The following ZBTB46 variants were observed in gnomAD, a reference collection of about 807,000 sequenced individuals.
The protein encoded by ZBTB46 is zinc finger and BTB domain containing 46.
In ZBTB46, 8 loss-of-function variants were observed where a neutral mutation model predicts 44.1. The observed-to-expected ratio is 0.18, with a 90% CI of 0.11 to 0.33. ZBTB46 has a LOEUF of 0.33. Ranked by LOEUF, ZBTB46 falls within the 10% of genes least tolerant of loss-of-function variation. The pLI is 1.00. For missense variants in ZBTB46, 651 were observed against 847.7 expected (o/e 0.77, Z 2.88); for synonymous variants, 409 against 382.3 (o/e 1.07, Z -0.81).
Position 63,815,197 on chromosome 20 carries a change from G to T in ZBTB46, c.-34+15900C>A, listed in dbSNP as rs188192109. On this transcript the variant is annotated intron_variant, in intron 1 of 4. Transcript: ENST00000245663. ...TGCAGTGGGCCCAGGTGCAGTGGGC[G>T]CAGGTGCAGTGGGCACGAGTGCAAG... 30 of 223,946 alleles carry T rather than the reference G, an allele frequency of 1.3e-4. No individual in the cohort carries two copies. The East Asian group carries it at 4.6e-3, about 34-fold the overall frequency. 13.9% of individuals were successfully genotyped at this position (223,946 alleles called of 1,614,324 possible).
At chr20:63,813,754 C>T (rs150519093) in intron 1 of ZBTB46, among the ~76,000 whole-genome samples, 53 of 152,288 alleles carry the variant, frequency 3.5e-4, no homozygotes, top group African/African-American at 1.3e-3. Context: ...CAGCACATGG[C>T]CCTCATCCCA....
In ZBTB46 at chr20:63,790,369, T is replaced by G; in HGVS notation, c.389A>C (p.Asp130Ala). 6.2e-7 allele frequency: 1 copy of G among 1,613,192 alleles called. No individual in the cohort carries two copies. Among genetic ancestry groups the G allele is most frequent in the African/African-American group, 1.3e-5 (1 of 75,072 alleles). ...TGAGGCGTCCGACTTGATGCTGATGTCCAGCGCCGCCTTGATGAAGTCGTG... is the reference window on the plus strand; with the variant it reads ...TGAGGCGTCCGACTTGATGCTGATGGCCAGCGCCGCCTTGATGAAGTCGTG... Reference protein sequence around the residue: ...ACHDFIKAALDISIKSDASDE... With the variant: ...ACHDFIKAALAISIKSDASDE... The change falls in exon 2 of 5, where the codon GAC becomes GCC. Residue 130 changes from aspartate to alanine, a missense_variant. This residue lies in a region of ZBTB46 where 385 missense variants were observed against 423.3 expected (regional missense o/e 0.91). Transcript: ENST00000245663.
At chr20:63,820,431 T>TTA (rs59953663) in intron 1 of ZBTB46, among the ~76,000 whole-genome samples, 11,531 of 150,190 alleles carry the variant, frequency 0.077, 826 homozygotes, top group East Asian at 0.42. Flanking sequence ...AAGAAGTATA[T>TTA]TATATATATA....
rs543822631 is a variant in ZBTB46, at chr20:63,762,129, A to T, written c.1223-9268T>A. 2.0e-5 allele frequency among the ~76,000 whole-genome samples: 3 copies of T among 152,302 alleles called. No homozygotes were observed. In the East Asian group the frequency reaches 5.8e-4, roughly 29 times the overall value. ...CAAGACTCAAACCAAACATTAGCTA[A>T]CTGAATCCAATAATACAGAAAAAGA... On this transcript the variant is annotated intron_variant, in intron 3 of 4. Coordinates refer to ENST00000245663, the MANE Select transcript of ZBTB46 (RefSeq NM_001369741.1).
intron 1 of ZBTB46, chr20:63,815,109 A>G: frequency 4.9e-6 from 1 of 204,690 alleles, no homozygotes; most frequent in Non-Finnish European, 1.0e-5. Flanking sequence ...AAGGGGCCAC[A>G]GCTCACCAGC....
At position 63,831,156 on chromosome 20, in the gene ZBTB46, G is replaced by A. The variant is rs2092849154; in HGVS notation, c.-93C>T. On this transcript the variant is annotated 5_prime_UTR_variant, in exon 1 of 5. Coordinates refer to ENST00000245663, the MANE Select transcript of ZBTB46 (RefSeq NM_001369741.1). ...CCGCGGCCGCCGGGCCGGCGCCGGT[G>A]ATCGCCGCCGCCGCCGGGAGGGCGC... 7.0e-6 allele frequency: 1 copy of A among 141,948 alleles called. No individual in the cohort carries two copies. Among genetic ancestry groups the A allele is most frequent in the Non-Finnish European group, 1.6e-5 (1 of 64,260 alleles). 8.8% of individuals were successfully genotyped at this position (141,948 alleles called of 1,614,324 possible).
chr20:63,792,996 G>A (rs898899846), intron 1 of ZBTB46, among the ~76,000 whole-genome samples: 3 of 152,122 alleles, frequency 2.0e-5, no homozygotes, highest in East Asian at 1.9e-4. Context: ...CGGGAGACGC[G>A]CTGCAGAAGA....
chr20:63,827,392 G>A (rs1259799820), intron 1 of ZBTB46, among the ~76,000 whole-genome samples: 1 of 151,992 alleles, frequency 6.6e-6, no homozygotes, highest in Non-Finnish European at 1.5e-5. Flanking sequence ...TGGATCATGA[G>A]GTCAGGAGAT....
At chr20:63,813,740 C>T (rs1258034162) in intron 1 of ZBTB46, among the ~76,000 whole-genome samples, 1 of 152,180 alleles carries the variant, frequency 6.6e-6, no homozygotes, top group East Asian at 1.9e-4. Flanking sequence ...TCACCACCCA[C>T]AAGCAGCACA....
At chr20:63,758,922 C>G (rs925877442) in intron 3 of ZBTB46, among the ~76,000 whole-genome samples, 1 of 151,990 alleles carries the variant, frequency 6.6e-6, no homozygotes, top group African/African-American at 2.4e-5. Flanking sequence ...TTAATAGAGA[C>G]GGGTTTCACT....
In ZBTB46 at chr20:63,756,996, G is replaced by A. The variant is rs867234921; in HGVS notation, c.1223-4135C>T. On this transcript the variant is annotated intron_variant, in intron 3 of 4. Transcript: ENST00000245663. ...TTATTTCTGTTGGGCATGCCCTGGC[G>A]GGGAAGGGGGGCTTCTGGACCACAG... Among the ~76,000 whole-genome samples, 8 of 152,346 alleles carry A rather than the reference G, an allele frequency of 5.3e-5. No individual in the cohort carries two copies. The Middle Eastern group carries it at 0.017, about 324-fold the overall frequency.
intron 1 of ZBTB46, among the ~76,000 whole-genome samples, chr20:63,819,832 C>T (rs904455922): frequency 7.2e-5 from 11 of 152,164 alleles, no homozygotes; most frequent in Non-Finnish European, 1.3e-4. Flanking sequence ...TTGTCAGTCA[C>T]GGGACACGCA....
intron 1 of ZBTB46, among the ~76,000 whole-genome samples, chr20:63,810,664 T>C (rs569895055): frequency 5.9e-5 from 9 of 152,232 alleles, no homozygotes; most frequent in African/African-American, 2.2e-4. Flanking sequence ...GAGAATCGTT[T>C]GAACATGGGA....
chr20:63,831,273 GCCCGCTCCAAC>G (rs1187926810), upstream of ZBTB46: 3 of 137,380 alleles, frequency 2.2e-5, no homozygotes, highest in African/African-American at 8.0e-5. Context: ...GCGCCCCCGC[GCCCGCTCCAAC>G]CCCGCGGCCC....
intron 3 of ZBTB46, chr20:63,769,132 C>T: frequency 1.0e-6 from 1 of 963,766 alleles, no homozygotes; most frequent in Non-Finnish European, 1.2e-6. Flanking sequence ...AAAGTGCCTC[C>T]TCGGAGGTGC....
At chr20:63,762,685 A>AC (rs1555838699) in intron 3 of ZBTB46, among the ~76,000 whole-genome samples, 1 of 144,456 alleles carries the variant, frequency 6.9e-6, no homozygotes, top group Admixed American at 6.8e-5. Flanking sequence ...AACAAAAAAA[A>AC]AACCAACTGA....
At chr20:63,791,507 A>AC (rs2092560789) in intron 1 of ZBTB46, among the ~76,000 whole-genome samples, 2 of 151,500 alleles carry the variant, frequency 1.3e-5, no homozygotes, top group East Asian at 3.9e-4. Context: ...AAAAAAAAAA[A>AC]AAAAAAAAAA....
intron 1 of ZBTB46, among the ~76,000 whole-genome samples, chr20:63,796,326 G>A (rs2092604036): frequency 6.6e-6 from 1 of 152,214 alleles, no homozygotes; most frequent in Admixed American, 6.5e-5. Flanking sequence ...CCCCCTGCTG[G>A]CAGCGCCTGG....
chr20:63,772,419 A>G (rs2145848138), intron 3 of ZBTB46, among the ~76,000 whole-genome samples: 1 of 152,304 alleles, frequency 6.6e-6, no homozygotes, highest in Non-Finnish European at 1.5e-5. Context: ...CAGATGAACT[A>G]AAAACTGAGT....
Sources: gnomAD v4.1 joint callset for allele counts (sites outside exome capture counted in the v4.1 genomes callset) on GRCh38, gnomAD v4.1.1 for gene constraint, gnomAD v4.1.1 regional missense constraint, MANE v1.5 for transcripts, NCBI Gene and HGNC (gene_info 2026-07-23, HGNC 2026-07-21) for gene names.